Variants in HNF4G observed in about 807,000 individuals in gnomAD.
HNF4G encodes hepatocyte nuclear factor 4-gamma.
Under a neutral mutation model 50.9 loss-of-function variants are expected in HNF4G, and 21 were observed. The observed-to-expected ratio is 0.41, with a 90% CI of 0.29 to 0.59. The LOEUF (loss-of-function observed/expected upper bound fraction) is 0.59, where lower values mean the gene tolerates loss of function less well. Ranked by LOEUF, HNF4G falls within the 20% of genes least tolerant of loss-of-function variation. The pLI, the probability that HNF4G is intolerant of heterozygous loss-of-function variation, is 0.26. For synonymous variants in HNF4G, 198 were observed against 185.6 expected (o/e 1.07, Z -0.54); for missense variants, 527 against 559.4 (o/e 0.94, Z 0.58).
intron 2 of HNF4G, among the ~76,000 whole-genome samples, chr8:75,544,230 C>A (rs980881980): frequency 2.0e-5 from 3 of 152,038 alleles, no homozygotes; most frequent in Non-Finnish European, 4.4e-5. Context: ...CAGCTTAGAC[C>A]AATATAGTTG....
At chr8:75,445,742 T>A (rs1199461018) in intron 1 of HNF4G, among the ~76,000 whole-genome samples, 1 of 143,790 alleles carries the variant, frequency 7.0e-6, no homozygotes, top group East Asian at 2.1e-4. Flanking sequence ...AGAAGTTGAA[T>A]CTCTGAATAG....
At chr8:75,475,010 T>C (rs1158070695) in intron 1 of HNF4G, among the ~76,000 whole-genome samples, 2 of 149,372 alleles carry the variant, frequency 1.3e-5, no homozygotes, top group Non-Finnish European at 3.0e-5. Context: ...ATTTATTAAT[T>C]AATTAATTTA....
intron 1 of HNF4G, among the ~76,000 whole-genome samples, chr8:75,412,809 T>C (rs1031606695): frequency 2.6e-5 from 4 of 152,046 alleles, no homozygotes; most frequent in Non-Finnish European, 5.9e-5. Context: ...AATTAAGTTA[T>C]AGGGTCTCTA....
At chr8:75,418,722 CTTTTT>C (rs560295179) in intron 1 of HNF4G, among the ~76,000 whole-genome samples, 1 of 109,402 alleles carries the variant, frequency 9.1e-6, no homozygotes. Context: ...CTCTCTCTCT[CTTTTT>C]TTTTTTTTTT....
At chr8:75,430,740 C>T (rs1007634044) in intron 1 of HNF4G, among the ~76,000 whole-genome samples, 3 of 152,048 alleles carry the variant, frequency 2.0e-5, no homozygotes, top group Non-Finnish European at 2.9e-5. Context: ...AATCCTGTGA[C>T]AAGAAAGCAC....
At chr8:75,563,932 A>G (rs552331733) in intron 9 of HNF4G, 43 bp from the exon 10 acceptor site, 1 of 1,607,986 alleles carries the variant, frequency 6.2e-7, no homozygotes, top group African/African-American at 1.3e-5. Flanking sequence ...GGTGAGGAAG[A>G]CTGACTGCCA....
intron 1 of HNF4G, among the ~76,000 whole-genome samples, chr8:75,409,511 T>G (rs1810446279): frequency 8.1e-6 from 1 of 123,822 alleles, no homozygotes; most frequent in Non-Finnish European, 1.6e-5. Flanking sequence ...TTTTCCGAGA[T>G]GAAGTCTTGC....
intron 1 of HNF4G, among the ~76,000 whole-genome samples, chr8:75,481,197 C>T (rs368700748): frequency 6.6e-6 from 1 of 152,136 alleles, no homozygotes; most frequent in Non-Finnish European, 1.5e-5. Flanking sequence ...GTTTGAAAAG[C>T]CCCTGGACTA....
intron 2 of HNF4G, among the ~76,000 whole-genome samples, chr8:75,530,383 C>T (rs182188094): frequency 7.5e-4 from 113 of 151,450 alleles, no homozygotes; most frequent in Non-Finnish European, 1.2e-3. Context: ...ATTTATTATA[C>T]TCAGGCAGGC....
chr8:75,505,697 A>C (rs1018121962), intron 2 of HNF4G, among the ~76,000 whole-genome samples: 1 of 151,968 alleles, frequency 6.6e-6, no homozygotes, highest in South Asian at 2.1e-4. Context: ...CAAAAAAAAA[A>C]ACATAATACA....
At chr8:75,494,398 G>A (rs948468006) in intron 2 of HNF4G, among the ~76,000 whole-genome samples, 8 of 150,806 alleles carry the variant, frequency 5.3e-5, no homozygotes, top group African/African-American at 1.7e-4. Flanking sequence ...TGATAGATAC[G>A]TGAAAATTTA....
chr8:75,551,797 A>G (rs940013366), intron 4 of HNF4G, among the ~76,000 whole-genome samples: 1 of 152,180 alleles, frequency 6.6e-6, no homozygotes, highest in Non-Finnish European at 1.5e-5. Context: ...TGTAGGCAGT[A>G]TTTTATTTTA....
intron 2 of HNF4G, among the ~76,000 whole-genome samples, chr8:75,502,682 A>G (rs1432464303): frequency 6.6e-6 from 1 of 152,202 alleles, no homozygotes. Flanking sequence ...AAAAACAGGC[A>G]TTCTATTATG....
At chr8:75,474,980 G>A (rs1011962207) in intron 1 of HNF4G, among the ~76,000 whole-genome samples, 1 of 151,568 alleles carries the variant, frequency 6.6e-6, no homozygotes, top group African/African-American at 2.4e-5. Flanking sequence ...ACAGGTGTGA[G>A]CCACTGTGCC....
intron 4 of HNF4G, 30 bp from the exon 5 acceptor site, chr8:75,553,012 A>G (rs1409142521): frequency 2.0e-6 from 3 of 1,516,452 alleles, no homozygotes; most frequent in Admixed American, 1.9e-5. Flanking sequence ...ATTATTTTAA[A>G]TGATAATATA....
At chr8:75,559,071 T>A in intron 8 of HNF4G, 34 bp downstream of exon 8, 1 of 1,258,478 alleles carries the variant, frequency 7.9e-7, no homozygotes, top group Non-Finnish European at 1.2e-6. Context: ...CTTTATTGAT[T>A]AGAATCACAC....
At chr8:75,424,813 T>G (rs1361698689) in intron 1 of HNF4G, among the ~76,000 whole-genome samples, 1 of 152,220 alleles carries the variant, frequency 6.6e-6, no homozygotes, top group Non-Finnish European at 1.5e-5. Flanking sequence ...CCAAGGTTGA[T>G]GCCATGTCTT....
At chr8:75,436,058 T>A (rs28730455) in intron 1 of HNF4G, among the ~76,000 whole-genome samples, 2 of 152,174 alleles carry the variant, frequency 1.3e-5, no homozygotes, top group Non-Finnish European at 2.9e-5. Context: ...AATATTCTGT[T>A]ATAATAGCAA....
chr8:75,555,730 CT>C (rs59730048), intron 5 of HNF4G, among the ~76,000 whole-genome samples: 7,961 of 140,246 alleles, frequency 0.057, 248 homozygotes, highest in African/African-American at 0.09. Flanking sequence ...AACTTGTCTG[CT>C]TTTTTTTTTT....
Sources: allele counts gnomAD v4.1 joint callset (sites outside exome capture counted in the v4.1 genomes callset), GRCh38; gene constraint gnomAD v4.1.1; transcripts MANE v1.5; gene names NCBI Gene and HGNC (gene_info 2026-07-23, HGNC 2026-07-21).